CATSPERT: variants seen among roughly 807,000 people sequenced by gnomAD.
CATSPERT encodes the protein catsper channel auxiliary subunit tau.
chr2:201,521,457 G>GAGAGAGAC, the CATSPERT span, among the ~76,000 whole-genome samples: 53,414 of 150,452 alleles, frequency 0.36, 10,301 homozygotes, highest in East Asian at 0.64. Context: ...GAGAGAAAGA[G>GAGAGAGAC]ACACACAGAG....
At chr2:201,583,566 G>A in the CATSPERT span, among the ~76,000 whole-genome samples, 9 of 152,042 alleles carry the variant, frequency 5.9e-5, no homozygotes, top group East Asian at 1.2e-3. Flanking sequence ...TAAACAGGAC[G>A]ACTTATATTT....
the CATSPERT span, among the ~76,000 whole-genome samples, chr2:201,543,596 A>G: frequency 1.6e-4 from 24 of 151,966 alleles, no homozygotes; most frequent in Non-Finnish European, 2.6e-4. Flanking sequence ...TAATTATTTT[A>G]TTCTTTTTGA....
chr2:201,562,334 C>T, the CATSPERT span, among the ~76,000 whole-genome samples: 1 of 150,962 alleles, frequency 6.6e-6, no homozygotes, highest in Admixed American at 6.6e-5. Flanking sequence ...ACTACAGGCG[C>T]CCACCACCAC....
At chr2:201,598,644 C>T in the CATSPERT span, among the ~76,000 whole-genome samples, 1 of 151,908 alleles carries the variant, frequency 6.6e-6, no homozygotes, top group African/African-American at 2.4e-5. Flanking sequence ...TGCAGTAGTG[C>T]CATGTTGGCT....
the CATSPERT span, among the ~76,000 whole-genome samples, chr2:201,562,187 C>CTTTTTTT: frequency 8.2e-6 from 1 of 121,256 alleles, no homozygotes; most frequent in Non-Finnish European, 1.7e-5. Flanking sequence ...TCTAATAATT[C>CTTTTTTT]TTTTTTTTTT....
At chr2:201,543,871 T>C in the CATSPERT span, among the ~76,000 whole-genome samples, 1 of 152,184 alleles carries the variant, frequency 6.6e-6, no homozygotes, top group African/African-American at 2.4e-5. Context: ...TTTTTTTTAT[T>C]ATTATACTTT....
chr2:201,560,939 C>T, the CATSPERT span, among the ~76,000 whole-genome samples: 2 of 152,188 alleles, frequency 1.3e-5, no homozygotes, highest in Non-Finnish European at 2.9e-5. Flanking sequence ...CCCGCCACCA[C>T]GCCTGGCTAA....
At chr2:201,536,613 T>A in the CATSPERT span, among the ~76,000 whole-genome samples, 5 of 151,922 alleles carry the variant, frequency 3.3e-5, no homozygotes, top group Non-Finnish European at 7.4e-5. Context: ...GACATTTTAC[T>A]GTTATTACAC....
the CATSPERT span, chr2:201,492,283 A>T: frequency 6.5e-7 from 1 of 1,533,748 alleles, no homozygotes; most frequent in Admixed American, 2.0e-5. Flanking sequence ...AGAATTAAGC[A>T]AATTTATATG....
At chr2:201,617,376 C>T in the CATSPERT span, among the ~76,000 whole-genome samples, 9 of 152,234 alleles carry the variant, frequency 5.9e-5, no homozygotes, top group East Asian at 1.7e-3. Flanking sequence ...ACCAATGGAA[C>T]AGAATAGAGC....
the CATSPERT span, among the ~76,000 whole-genome samples, chr2:201,611,704 A>AT: frequency 2.0e-5 from 3 of 151,976 alleles, no homozygotes; most frequent in Non-Finnish European, 4.4e-5. Context: ...AGTCAAAAAA[A>AT]AAACAACTGT....
the CATSPERT span, among the ~76,000 whole-genome samples, chr2:201,585,328 A>T: frequency 6.6e-6 from 1 of 151,520 alleles, no homozygotes; most frequent in Non-Finnish European, 1.5e-5. Context: ...GCACGTGTAT[A>T]CCTATGTAAC....
At chr2:201,541,536 TATATATATATATATATA>T in the CATSPERT span, among the ~76,000 whole-genome samples, 11 of 16,168 alleles carry the variant, frequency 6.8e-4, no homozygotes, top group Non-Finnish European at 8.0e-4. Flanking sequence ...TGATTTTATA[TATATATATATATATATA>T]TATATATATA....
At chr2:201,504,392 G>T in the CATSPERT span, among the ~76,000 whole-genome samples, 2 of 152,164 alleles carry the variant, frequency 1.3e-5, no homozygotes, top group Non-Finnish European at 2.9e-5. Context: ...AATAGAGCTT[G>T]GTCACTCTTG....
the CATSPERT span, chr2:201,511,710 C>T: frequency 5.3e-5 from 8 of 151,782 alleles, no homozygotes; most frequent in South Asian, 1.7e-3. Flanking sequence ...TGTGAAGGAA[C>T]TATTGAAAGA....
chr2:201,594,454 G>A, the CATSPERT span, among the ~76,000 whole-genome samples: 1 of 152,088 alleles, frequency 6.6e-6, no homozygotes, highest in African/African-American at 2.4e-5. Flanking sequence ...ACCATTATGT[G>A]TCTTGGAGTT....
At chr2:201,592,187 T>A in the CATSPERT span, among the ~76,000 whole-genome samples, 1 of 152,176 alleles carries the variant, frequency 6.6e-6, no homozygotes, top group African/African-American at 2.4e-5. Context: ...GTTTTTAGCA[T>A]GAAAGGTTGT....
the CATSPERT span, among the ~76,000 whole-genome samples, chr2:201,541,706 A>T: frequency 3.3e-5 from 5 of 151,252 alleles, no homozygotes; most frequent in Non-Finnish European, 5.9e-5. Context: ...AGAGATTCTC[A>T]TGTCTCAGCC....
At chr2:201,488,902 A>G in the CATSPERT span, among the ~76,000 whole-genome samples, 1 of 152,226 alleles carries the variant, frequency 6.6e-6, no homozygotes, top group Admixed American at 6.5e-5. Flanking sequence ...ACACAAGACA[A>G]TTAGGGAAGC....
Sources: allele counts gnomAD v4.1 joint callset (sites outside exome capture counted in the v4.1 genomes callset), GRCh38; gene constraint gnomAD v4.1.1; transcripts MANE v1.5; gene names NCBI Gene and HGNC (gene_info 2026-07-23, HGNC 2026-07-21).